CD6: variants seen among roughly 807,000 people sequenced by gnomAD.
The protein encoded by CD6 is T-cell differentiation antigen CD6.
A neutral mutation model predicts 75.3 loss-of-function variants in CD6; 53 were observed. The observed-to-expected ratio is 0.70, with a 90% CI of 0.56 to 0.88. The LOEUF (loss-of-function observed/expected upper bound fraction) is 0.88, where lower values mean the gene tolerates loss of function less well. CD6 is among the 40% of genes least tolerant of loss of function. CD6 has a pLI of 0.00. For synonymous variants in CD6, 359 were observed against 381.5 expected (o/e 0.94, Z 0.69); for missense variants, 770 against 897.1 (o/e 0.86, Z 1.81).
chr11:61,012,477 C>T lies in CD6; in HGVS notation c.1151-946C>T, dbSNP rs147975536. Among the ~76,000 whole-genome samples the T allele has an allele frequency of 2.0e-5, 3 of 152,270 alleles. No individual in the cohort carries two copies. In the East Asian group the frequency reaches 5.8e-4, roughly 29 times the overall value. ...TGGCCCAAACTTCCCCATTTGCAGA[C>T]AGAGAGGGGAGAGGAGAAAATGAAG... is the stretch of plus-strand genomic sequence containing the variant. On this transcript the variant is annotated intron_variant, in intron 6 of 12. Coordinates refer to ENST00000313421, the MANE Select transcript of CD6 (RefSeq NM_006725.5).
At chr11:60,982,617 A>G in intron 1 of CD6, 1 of 456,040 alleles carries the variant, frequency 2.2e-6, no homozygotes, top group South Asian at 1.5e-5. Context: ...CCTTCAACCA[A>G]ACTAAAGGAT....
chr11:60,987,469 G>A (rs191498035), intron 1 of CD6, among the ~76,000 whole-genome samples: 2 of 152,248 alleles, frequency 1.3e-5, no homozygotes, highest in Admixed American at 6.5e-5. Context: ...CTGGAAATTA[G>A]GACTGTTTTA....
intron 1 of CD6, among the ~76,000 whole-genome samples, chr11:60,992,597 G>A (rs1858111166): frequency 6.6e-6 from 1 of 152,078 alleles, no homozygotes. Flanking sequence ...GGAGGCCAAG[G>A]TGAGCAGACT....
intron 1 of CD6, chr11:60,982,570 A>G (rs1857613641): frequency 4.4e-6 from 2 of 455,782 alleles, no homozygotes; most frequent in Admixed American, 4.7e-5. Context: ...CCCGTTCCCC[A>G]CTCCATTTGG....
At position 61,015,625 on chromosome 11, in the gene CD6, C is replaced by G. The variant is rs1021283344; in HGVS notation, c.1388-88C>G. ...TTGGTGCTCCCCTGCTACTCTGCCT[C>G]TCACCTCTGCCGTTCATACTCTACC... On this transcript the variant is annotated intron_variant, in intron 8 of 12. Coordinates refer to ENST00000313421, the MANE Select transcript of CD6 (RefSeq NM_006725.5). The G allele has an allele frequency of 4.0e-6, 6 of 1,504,512 alleles. 1 individual carries two copies. The African/African-American group carries it at 6.9e-5, about 17-fold the overall frequency. The allele number at this position is 1,504,512 out of a possible 1,614,324, so 93.2% of individuals were successfully genotyped here. A position where few individuals can be genotyped will look rare whatever the true frequency, so the allele number is the denominator to read the frequency against.
rs539888824 is a variant in CD6 at position 60,975,526 on chromosome 11, T to G, written c.49+3612T>G. On this transcript the variant is annotated intron_variant, in intron 1 of 12. Coordinates refer to ENST00000313421, the MANE Select transcript of CD6 (RefSeq NM_006725.5). Reference sequence around the variant, plus strand: ...TTTAAAAATGGGGTTTCTGGTCTGGTGTGGTAGTTCACACCTGTAATCCCA... The same window carrying G: ...TTTAAAAATGGGGTTTCTGGTCTGGGGTGGTAGTTCACACCTGTAATCCCA... 2.6e-5 allele frequency among the ~76,000 whole-genome samples: 4 copies of G among 152,306 alleles called. No homozygotes were observed. The South Asian group carries it at 8.3e-4, about 32-fold the overall frequency.
chr11:61,009,554 C>A lies in CD6; in HGVS notation c.782-18C>A, dbSNP rs767698375. The A allele has an allele frequency of 1.9e-6, 3 of 1,577,582 alleles. No individual in the cohort carries two copies. Among genetic ancestry groups the A allele is most frequent in the Non-Finnish European group, 2.6e-6 (3 of 1,163,180 alleles). ...AAAGGATTCTGACCTGACTCTGTCC[C>A]CTGCCCCTTCCCTGCAGAGCACCAG... On this transcript the variant is annotated intron_variant, in intron 4 of 12. Transcript: ENST00000313421.
chr11:60,980,960 T>G (rs773465273), intron 1 of CD6, among the ~76,000 whole-genome samples: 1 of 152,196 alleles, frequency 6.6e-6, no homozygotes, highest in South Asian at 2.1e-4. Context: ...CGGCTGGTCC[T>G]GTTGGGTCAT....
At position 61,011,263 on chromosome 11, in the gene CD6, C is replaced by T. The variant is rs1859141745; in HGVS notation, c.1150+128C>T. On this transcript the variant is annotated intron_variant, in intron 6 of 12. Transcript: ENST00000313421. ...TTTGGTCCTCATCCTCCACCTCCAG[C>T]CAATGGACTTGCCTCCCCGGGGCTC... 1.2e-5 allele frequency: 9 copies of T among 743,300 alleles called. No individual in the cohort carries two copies. In the South Asian group the frequency reaches 1.4e-4, roughly 12 times the overall value. The allele number at this position is 743,300 out of a possible 1,614,324, so 46.0% of individuals were successfully genotyped here.
chr11:61,007,613 G>T lies in CD6; in HGVS notation c.172G>T (p.Val58Leu), dbSNP rs750009088. The part of the protein sequence containing the change: ...TNGSSSCSGT[V>L]EVRLEASWEP... Reference sequence around the variant, plus strand: ...CGGGAGCAGCAGCTGCAGCGGGACGGTGGAGGTGCGGCTCGAGGCGTCCTG... The same window carrying T: ...CGGGAGCAGCAGCTGCAGCGGGACGTTGGAGGTGCGGCTCGAGGCGTCCTG... Residue 58 changes from valine (V) to leucine (L), a missense_variant, in exon 3 of 13, where the codon GTG becomes TTG. Transcript: ENST00000313421. This position sits in a 1 kb window ranked among gnomAD's most constrained non-coding sequence, Gnocchi z 4.2. 6 of 1,499,142 alleles carry T rather than the reference G, an allele frequency of 4.0e-6. No individual in the cohort carries two copies. In the Admixed American group the frequency reaches 6.7e-5, roughly 17 times the overall value. 92.9% of individuals were successfully genotyped at this position (1,499,142 alleles called of 1,614,324 possible).
At chr11:61,002,850 G>T (rs1440250995) in intron 1 of CD6, among the ~76,000 whole-genome samples, 2 of 152,152 alleles carry the variant, frequency 1.3e-5, no homozygotes, top group African/African-American at 4.8e-5. Flanking sequence ...AGGGACGGTG[G>T]AACTCTCACT....
chr11:60,993,787 C>T (rs889883463), intron 1 of CD6, among the ~76,000 whole-genome samples: 26 of 152,144 alleles, frequency 1.7e-4, no homozygotes, highest in African/African-American at 6.0e-4. Flanking sequence ...ACTCATCTCC[C>T]TCATATCATA....
At chr11:61,018,234 A>G in intron 11 of CD6, 55 bp from the exon 12 acceptor site, 1 of 1,461,612 alleles carries the variant, frequency 6.8e-7, no homozygotes, top group South Asian at 1.3e-5. Flanking sequence ...CAGCTCTGGC[A>G]ACTTGAGAAG....
Position 61,017,486 on chromosome 11 carries a change from G to T in CD6, c.1518G>T (p.Gln506His), listed in dbSNP as rs1349657314. 6.5e-7 allele frequency: 1 copy of T among 1,549,220 alleles called. No homozygotes were observed. Among genetic ancestry groups the T allele is most frequent in the South Asian group, 1.2e-5 (1 of 83,942 alleles). Residue 506 changes from glutamine to histidine, a missense_variant, in exon 10 of 13, where the codon CAG becomes CAT. Transcript: ENST00000313421. ...PVALTTFYNS[Q>H]RHRVTDEEVQ... Reference sequence around the variant, plus strand: ...CACCGCCTCTGCTTGCAGATTCCCAGCGGCATCGGGTCACAGATGAGGAGG... The same window carrying T: ...CACCGCCTCTGCTTGCAGATTCCCATCGGCATCGGGTCACAGATGAGGAGG...
chr11:61,011,204 TTC>T (rs1859134723), intron 6 of CD6, 69 bp downstream of exon 6: 149 of 1,306,630 alleles, frequency 1.1e-4, no homozygotes, highest in Middle Eastern at 1.8e-4. Flanking sequence ...TGTGTGTGTG[TTC>T]CTGTGCACAC....
intron 1 of CD6, among the ~76,000 whole-genome samples, chr11:61,000,801 C>G (rs939975025): frequency 1.3e-5 from 2 of 152,214 alleles, no homozygotes; most frequent in African/African-American, 4.8e-5. Flanking sequence ...TGCCTTCATT[C>G]TTCCTGTGCT....
chr11:61,000,879 A>G (rs1314565552), intron 1 of CD6, among the ~76,000 whole-genome samples: 1 of 151,908 alleles, frequency 6.6e-6, no homozygotes, highest in African/African-American at 2.4e-5. Flanking sequence ...GTTCTGTCCC[A>G]CTCGGGGACT....
intron 6 of CD6, among the ~76,000 whole-genome samples, 172 bp from the exon 7 acceptor site, chr11:61,013,251 G>A (rs1369758240): frequency 6.6e-6 from 1 of 152,094 alleles, no homozygotes; most frequent in Non-Finnish European, 1.5e-5. Context: ...TGCATTTATT[G>A]AGCGCCTAAT....
intron 6 of CD6, 50 bp downstream of exon 6, chr11:61,011,185 G>GTGTGTGTGTGTGTC: frequency 8.0e-7 from 1 of 1,257,722 alleles, no homozygotes. Flanking sequence ...GGACGTGTGT[G>GTGTGTGTGTGTGTC]TGTGTGTGTG....
Sources: gnomAD v4.1 joint callset for allele counts (sites outside exome capture counted in the v4.1 genomes callset) on GRCh38, gnomAD v4.1.1 for gene constraint, Gnocchi (gnomAD v3.1) non-coding constraint, MANE v1.5 for transcripts, NCBI Gene and HGNC (gene_info 2026-07-23, HGNC 2026-07-21) for gene names.